The following RTN4RL1 variants were observed in gnomAD, a reference collection of about 807,000 sequenced individuals.
The protein encoded by RTN4RL1 is reticulon-4 receptor-like 1.
In RTN4RL1, 7 loss-of-function variants were observed where a neutral mutation model predicts 25.6. The observed-to-expected ratio is 0.27, with a 90% CI of 0.16 to 0.51. The LOEUF (loss-of-function observed/expected upper bound fraction) is 0.51. RTN4RL1 is among the 20% of genes least tolerant of loss of function. The probability of loss-of-function intolerance (pLI) is 0.97; values close to 1 mark genes in which losing one functional copy is unlikely to be tolerated. For synonymous variants in RTN4RL1, 297 were observed against 288.2 expected (o/e 1.03, Z -0.31); for missense variants, 500 against 615.6 (o/e 0.81, Z 1.99).
intron 1 of RTN4RL1, among the ~76,000 whole-genome samples, chr17:1,979,291 A>C (rs2066856766): frequency 6.6e-6 from 1 of 151,852 alleles, no homozygotes. Context: ...CAAAATAAAA[A>C]ACAAAAAACC....
intron 1 of RTN4RL1, among the ~76,000 whole-genome samples, chr17:2,012,631 C>A (rs2067064413): frequency 6.6e-6 from 1 of 151,204 alleles, no homozygotes; most frequent in African/African-American, 2.4e-5. Context: ...GATTTAATTT[C>A]TCTTATGGTT....
At chr17:2,017,059 G>A (rs1431107694) in intron 1 of RTN4RL1, among the ~76,000 whole-genome samples, 5 of 152,132 alleles carry the variant, frequency 3.3e-5, no homozygotes, top group South Asian at 2.1e-4. Context: ...TCCTATCGCC[G>A]TATAAATAAA....
chr17:1,992,816 C>T (rs1014946403), intron 1 of RTN4RL1, among the ~76,000 whole-genome samples: 3 of 152,230 alleles, frequency 2.0e-5, no homozygotes, highest in Non-Finnish European at 4.4e-5. Flanking sequence ...TCGTCGCCCA[C>T]GTGTGTCCTA....
intron 1 of RTN4RL1, among the ~76,000 whole-genome samples, chr17:1,963,775 G>C (rs931652039): frequency 1.3e-5 from 2 of 151,832 alleles, no homozygotes; most frequent in Non-Finnish European, 2.9e-5. Flanking sequence ...CTTGTTGCCC[G>C]GGCTGGAGTG....
chr17:1,983,414 C>G (rs1217674091), intron 1 of RTN4RL1, among the ~76,000 whole-genome samples: 2 of 152,196 alleles, frequency 1.3e-5, no homozygotes, highest in Admixed American at 6.5e-5. Flanking sequence ...GACAGTGATA[C>G]TAACAAAACA....
intron 1 of RTN4RL1, among the ~76,000 whole-genome samples, chr17:1,980,070 T>A (rs560166959): frequency 6.6e-6 from 1 of 152,034 alleles, no homozygotes; most frequent in African/African-American, 2.4e-5. Flanking sequence ...TCTTTTCTTT[T>A]CTTTTTTGTT....
rs746822779 is a variant in RTN4RL1 at position 1,937,363 on chromosome 17, G to A, written c.459C>T (p.Tyr153=). ...GVFGGLHSLQ[Y]LYLQDNHIEY... The stretch of plus-strand genomic sequence containing the variant: ...CGATGTGGTTGTCCTGCAGGTAGAG[G>A]TACTGCAGGCTGTGCAGGCCGCCAA... Residue 153 remains tyrosine, a synonymous_variant, in exon 2 of 2, where the codon TAC becomes TAT. Transcript: ENST00000331238. 3 of 1,613,698 alleles carry A rather than the reference G, an allele frequency of 1.9e-6. No individual in the cohort carries two copies. Among genetic ancestry groups the A allele is most frequent in the Non-Finnish European group, 2.5e-6 (3 of 1,179,870 alleles).
rs539200004 is a variant in RTN4RL1 at position 1,936,066 on chromosome 17, G to A, written c.*430C>T. The A allele has an allele frequency of 6.0e-6, 6 of 996,562 alleles. No individual in the cohort carries two copies. The East Asian group carries it at 3.3e-4, about 54-fold the overall frequency. 61.7% of individuals were successfully genotyped at this position (996,562 alleles called of 1,614,324 possible). A position where few individuals can be genotyped will look rare whatever the true frequency, so the allele number is the denominator to read the frequency against. ...CCCAGACTGCTGGCCACCCAGCCTCGTGGGTGAGCCTCATTTGTTCTTCTC... is the reference window on the plus strand; with the variant it reads ...CCCAGACTGCTGGCCACCCAGCCTCATGGGTGAGCCTCATTTGTTCTTCTC... On this transcript the variant is annotated 3_prime_UTR_variant, in exon 2 of 2. Coordinates refer to ENST00000331238, the MANE Select transcript of RTN4RL1 (RefSeq NM_178568.4).
intron 1 of RTN4RL1, among the ~76,000 whole-genome samples, chr17:1,963,080 G>T (rs1192390639): frequency 6.6e-6 from 1 of 152,058 alleles, no homozygotes; most frequent in Non-Finnish European, 1.5e-5. Flanking sequence ...TGGAATTACA[G>T]ACATGAGCCA....
chr17:2,004,427 C>T (rs1218857891), intron 1 of RTN4RL1, among the ~76,000 whole-genome samples: 2 of 149,288 alleles, frequency 1.3e-5, no homozygotes, highest in Admixed American at 6.7e-5. Flanking sequence ...GTCTATTTTG[C>T]GGGCCAGGAG....
intron 1 of RTN4RL1, among the ~76,000 whole-genome samples, chr17:1,999,729 G>A (rs1412967120): frequency 1.3e-5 from 2 of 152,118 alleles, no homozygotes; most frequent in East Asian, 1.9e-4. Flanking sequence ...GACTGCAGGC[G>A]GCTGGGGAAG....
chr17:1,994,198 C>A lies in RTN4RL1; in HGVS notation c.13+30655G>T, dbSNP rs1299128599. ...AGTGTGCCCAGGTGGAATTCACAGG[C>A]GCTGGGAGCTTGAGGGGGAAGTGAT... On this transcript the variant is annotated intron_variant, in intron 1 of 1. Coordinates refer to ENST00000331238, the MANE Select transcript of RTN4RL1 (RefSeq NM_178568.4). The surrounding 1 kb of genome is among the most constrained non-coding windows in gnomAD (Gnocchi z 4.3). Among the ~76,000 whole-genome samples, 3 of 151,952 alleles carry A rather than the reference C, an allele frequency of 2.0e-5. No homozygotes were observed.
chr17:1,986,983 C>G (rs2066890154), intron 1 of RTN4RL1, among the ~76,000 whole-genome samples: 1 of 152,112 alleles, frequency 6.6e-6, no homozygotes, highest in Non-Finnish European at 1.5e-5. Flanking sequence ...GGGGGCTGGA[C>G]AAGATAAGTG....
rs1434711147 is a variant in RTN4RL1, at chr17:1,937,402, C to A, written c.420G>T (p.Leu140Phe). 1.5e-5 allele frequency: 24 copies of A among 1,613,610 alleles called. No homozygotes were observed. In the Admixed American group the frequency reaches 2.2e-4, roughly 15 times the overall value. ...GCAGGCCGCCAAAGACGCCGGCCGG[C>A]AAGGCGCTGAGCCCACACTTGTAGA... The part of the protein sequence containing the change: ...LYLYKCGLSA[L>F]PAGVFGGLHS... The change falls in exon 2 of 2, where the codon TTG (leucine) becomes TTT (phenylalanine). Residue 140 changes from leucine to phenylalanine, a missense_variant. This residue lies in a region of RTN4RL1 where 232 missense variants were observed against 341.1 expected (regional missense o/e 0.68). Coordinates refer to ENST00000331238, the MANE Select transcript of RTN4RL1 (RefSeq NM_178568.4).
Position 1,936,979 on chromosome 17 carries a change from G to T in RTN4RL1, c.843C>A (p.Pro281=). The T allele has an allele frequency of 6.2e-7, 1 of 1,606,288 alleles. No homozygotes were observed. Among genetic ancestry groups the T allele is most frequent in the African/African-American group, 1.3e-5 (1 of 74,980 alleles). The part of the protein sequence containing the change: ...QRFRGSSSAV[P]CVSPGLRHGQ... ...CGTGCCGCAGCCCAGGGGACACACA[G>T]GGGACAGCGGAGCTGGAGCCCCGGA... is the stretch of plus-strand genomic sequence containing the variant. The change falls in exon 2 of 2, where the codon CCC becomes CCA. Residue 281 remains proline (P), a synonymous_variant. Coordinates refer to ENST00000331238, the MANE Select transcript of RTN4RL1 (RefSeq NM_178568.4).
chr17:1,953,887 G>C (rs1915734747), intron 1 of RTN4RL1, among the ~76,000 whole-genome samples: 1 of 152,144 alleles, frequency 6.6e-6, no homozygotes, highest in Admixed American at 6.5e-5. Flanking sequence ...TTAAAGGATT[G>C]GGAGATACAA....
chr17:1,943,146 T>G (rs1915473258), intron 1 of RTN4RL1, among the ~76,000 whole-genome samples: 1 of 152,148 alleles, frequency 6.6e-6, no homozygotes, highest in Non-Finnish European at 1.5e-5. Flanking sequence ...CAGCCCTAAC[T>G]GTGTACCAGA....
In RTN4RL1 at chr17:1,952,340, T is replaced by G. The variant is rs3934558; in HGVS notation, c.14-14532A>C. Among the ~76,000 whole-genome samples, 327 of 77,178 alleles carry G rather than the reference T, an allele frequency of 4.2e-3. 3 individuals are homozygous for G. Among genetic ancestry groups the G allele is most frequent in the African/African-American group, 0.012 (298 of 25,512 alleles). 50.6% of individuals were successfully genotyped at this position (77,178 alleles called of 152,430 possible). On this transcript the variant is annotated intron_variant, in intron 1 of 1. Coordinates refer to ENST00000331238, the MANE Select transcript of RTN4RL1 (RefSeq NM_178568.4). Reference sequence around the variant, plus strand: ...TGGGTCAAGGGAGGTTGGTTTTTTTTTTTTTTTTTTTTTTGAGATGGAGTG... The same window carrying G: ...TGGGTCAAGGGAGGTTGGTTTTTTTGTTTTTTTTTTTTTTGAGATGGAGTG...
In RTN4RL1 at chr17:2,010,704, C is replaced by A. The variant is rs1188151555; in HGVS notation, c.13+14149G>T. On this transcript the variant is annotated intron_variant, in intron 1 of 1. Transcript: ENST00000331238. ...TCCCAAATAGCTGGGACTACAGGCA[C>A]ACACCATCATGCCTGGCTAATTAAA... is the stretch of plus-strand genomic sequence containing the variant. Among the ~76,000 whole-genome samples, 6 of 150,900 alleles carry A rather than the reference C, an allele frequency of 4.0e-5. No individual in the cohort carries two copies. In the East Asian group the frequency reaches 1.2e-3, roughly 30 times the overall value.
Sources: allele counts gnomAD v4.1 joint callset (sites outside exome capture counted in the v4.1 genomes callset), GRCh38; gene constraint gnomAD v4.1.1; regional missense constraint gnomAD v4.1.1; non-coding constraint Gnocchi (gnomAD v3.1); transcripts MANE v1.5; gene names NCBI Gene and HGNC (gene_info 2026-07-23, HGNC 2026-07-21).